The following CISD1 variants were observed in gnomAD, a reference collection of about 807,000 sequenced individuals.
CISD1 encodes CDGSH iron-sulfur domain-containing protein 1.
CISD1 carries 8 observed loss-of-function variants against 12.0 expected under a neutral mutation model. The ratio of observed to expected loss-of-function variants is 0.67; its 90% confidence interval spans 0.39 to 1.20. CISD1 has a LOEUF of 1.20. CISD1 is among the 50% of genes most tolerant of loss of function. The pLI, the probability that CISD1 is intolerant of heterozygous loss-of-function variation, is 0.01. For synonymous variants in CISD1, 38 were observed against 42.2 expected (o/e 0.90, Z 0.39); for missense variants, 107 against 132.7 (o/e 0.81, Z 0.95).
intron 2 of CISD1, among the ~76,000 whole-genome samples, chr10:58,284,677 T>C (rs1360028599): frequency 6.8e-6 from 1 of 147,798 alleles, no homozygotes; most frequent in Non-Finnish European, 1.5e-5. Context: ...TATATGACTT[T>C]CTTTATATTT....
rs149600398 is a variant in CISD1 at position 58,287,607 on chromosome 10, G to A, written c.284G>A (p.Gly95Glu). Reference protein sequence around the residue: ...GAHTKHNEETGDNVGPLIIKK... With the variant: ...GAHTKHNEETEDNVGPLIIKK... ...CACACAAAACATAACGAAGAGACTG[G>A]AGACAATGTGGGCCCTCTGATCATC... Residue 95 changes from glycine (G) to glutamate (E), a missense_variant, in exon 3 of 3, where the codon GGA becomes GAA. Transcript: ENST00000333926. 2.2e-5 allele frequency: 36 copies of A among 1,610,920 alleles called. No homozygotes were observed. The Admixed American group carries it at 3.0e-4, about 13-fold the overall frequency.
rs1299090984 is a variant in CISD1, at chr10:58,277,287, A to G, written c.202A>G (p.Lys68Glu). The G allele has an allele frequency of 5.0e-6, 8 of 1,608,574 alleles. No homozygotes were observed. The highest frequency in any genetic ancestry group is 1.3e-5 in the African/African-American group (1 of 74,792). ...HAFDMEDLGD[K>E]AVYCRCWRSK... ...TTTTGACATGGAGGATTTGGGAGAT[A>G]AAGCTGTGTACTGCCGTTGTTGGAG... The change falls in exon 2 of 3, where the codon AAA (lysine) becomes GAA (glutamate). Residue 68 changes from lysine to glutamate, a missense_variant. By Grantham distance (56) the Lys-to-Glu change is moderately conservative (BLOSUM62 1). Coordinates refer to ENST00000333926, the MANE Select transcript of CISD1 (RefSeq NM_018464.5).
intron 1 of CISD1, among the ~76,000 whole-genome samples, chr10:58,271,769 T>C (rs1438804959): frequency 6.6e-6 from 1 of 152,104 alleles, no homozygotes; most frequent in East Asian, 1.9e-4. Context: ...AAAAAAAAAT[T>C]TAACGGGAAT....
chr10:58,283,244 T>C (rs952894001), intron 2 of CISD1, among the ~76,000 whole-genome samples: 1 of 152,162 alleles, frequency 6.6e-6, no homozygotes, highest in African/African-American at 2.4e-5. Flanking sequence ...AAAAACGATA[T>C]TCTGAATGTT....
rs75756040 is a variant in CISD1 at position 58,283,826 on chromosome 10, A to G, written c.238-3735A>G. ...GTGTTCAAATTGGGTTAACAAACAT[A>G]AAAGGATGTTTTCTGGACATAAAGG... On this transcript the variant is annotated intron_variant, in intron 2 of 2. Transcript: ENST00000333926. Among the ~76,000 whole-genome samples the G allele has an allele frequency of 6.0e-3, 916 of 152,332 alleles. 9 individuals are homozygous for G. Among genetic ancestry groups the G allele is most frequent in the African/African-American group, 0.021 (869 of 41,572 alleles).
At position 58,280,194 on chromosome 10, in the gene CISD1, C is replaced by G. The variant is rs918410579; in HGVS notation, c.237+2872C>G. On this transcript the variant is annotated intron_variant, in intron 2 of 2. Coordinates refer to ENST00000333926, the MANE Select transcript of CISD1 (RefSeq NM_018464.5). The stretch of plus-strand genomic sequence containing the variant: ...TACTGCCCTTCCCCAAGGAATAAAT[C>G]TAAACTGAGGACAATCTTGAGGACC... 3.3e-5 allele frequency among the ~76,000 whole-genome samples: 5 copies of G among 152,206 alleles called. No individual in the cohort carries two copies. In the South Asian group the frequency reaches 8.3e-4, roughly 25 times the overall value.
intron 2 of CISD1, among the ~76,000 whole-genome samples, chr10:58,280,873 T>C (rs1392745282): frequency 6.6e-6 from 1 of 152,258 alleles, no homozygotes. Context: ...ACTATTAGAT[T>C]AAGCAATTGC....
intron 2 of CISD1, among the ~76,000 whole-genome samples, chr10:58,285,934 G>A (rs1027352921): frequency 2.0e-5 from 3 of 152,056 alleles, no homozygotes; most frequent in Admixed American, 1.3e-4. Context: ...GGCTGGGCGC[G>A]GTGGCTCACA....
intron 1 of CISD1, among the ~76,000 whole-genome samples, chr10:58,271,243 T>G (rs987484937): frequency 0.017 from 11 of 650 alleles, no homozygotes; most frequent in Non-Finnish European, 0.028. Flanking sequence ...GTTTCACCGT[T>G]TTAGCCGGGA....
chr10:58,278,997 GT>G (rs1426720753), intron 2 of CISD1, among the ~76,000 whole-genome samples: 1 of 152,148 alleles, frequency 6.6e-6, no homozygotes, highest in African/African-American at 2.4e-5. Context: ...GGTATGTTAT[GT>G]TTTTTACTGT....
intron 2 of CISD1, among the ~76,000 whole-genome samples, chr10:58,281,399 T>C (rs766151363): frequency 6.6e-6 from 1 of 152,228 alleles, no homozygotes; most frequent in Non-Finnish European, 1.5e-5. Context: ...TTTATGCTGT[T>C]TAGTGATCCT....
intron 2 of CISD1, 93 bp downstream of exon 2, chr10:58,277,415 G>C: frequency 1.1e-6 from 1 of 895,794 alleles, no homozygotes; most frequent in Non-Finnish European, 1.6e-6. Context: ...ATATTGTTAT[G>C]ATATCCCTTT....
chr10:58,285,859 C>G (rs1455465179), intron 2 of CISD1, among the ~76,000 whole-genome samples: 1 of 151,968 alleles, frequency 6.6e-6, no homozygotes, highest in East Asian at 1.9e-4. Flanking sequence ...GAAATTAAAA[C>G]TTGGCAAAAA....
At chr10:58,274,593 G>A (rs912463196) in intron 1 of CISD1, among the ~76,000 whole-genome samples, 3 of 151,648 alleles carry the variant, frequency 2.0e-5, no homozygotes, top group Non-Finnish European at 4.4e-5. Context: ...TATTTTCCTC[G>A]AACACATGGT....
chr10:58,285,428 C>T (rs1486727871), intron 2 of CISD1, among the ~76,000 whole-genome samples: 1 of 152,112 alleles, frequency 6.6e-6, no homozygotes, highest in Admixed American at 6.5e-5. Flanking sequence ...GTACTTGTTA[C>T]TCATAAGGCT....
chr10:58,283,404 C>T (rs2132283891), intron 2 of CISD1, among the ~76,000 whole-genome samples: 1 of 152,256 alleles, frequency 6.6e-6, no homozygotes, highest in East Asian at 1.9e-4. Flanking sequence ...AGGTTAGTCT[C>T]AAAAATCTCA....
At chr10:58,279,598 T>C (rs1373612849) in intron 2 of CISD1, among the ~76,000 whole-genome samples, 5 of 152,132 alleles carry the variant, frequency 3.3e-5, no homozygotes, top group Non-Finnish European at 7.4e-5. Context: ...CACTATTCAT[T>C]TGGAATTTGA....
rs1839465525 is a variant in CISD1, at chr10:58,289,433, A to G, written c.*1783A>G. ...ACATATGGCAAAATTATAAATGACC[A>G]CCTTACTGTGAAATATAGATCTTGA... On this transcript the variant is annotated 3_prime_UTR_variant, in exon 3 of 3. Coordinates refer to ENST00000333926, the MANE Select transcript of CISD1 (RefSeq NM_018464.5). 6.6e-6 allele frequency: 1 copy of G among 152,104 alleles called. No homozygotes were observed. The highest frequency in any genetic ancestry group is 1.5e-5 in the Non-Finnish European group (1 of 67,932). 9.4% of individuals were successfully genotyped at this position (152,104 alleles called of 1,614,324 possible). A position where few individuals can be genotyped will look rare whatever the true frequency, so the allele number is the denominator to read the frequency against.
chr10:58,278,463 G>A (rs1839339038), intron 2 of CISD1, among the ~76,000 whole-genome samples: 1 of 152,074 alleles, frequency 6.6e-6, no homozygotes, highest in Non-Finnish European at 1.5e-5. Flanking sequence ...GGAGGTTGAG[G>A]CTGCAGTTAG....
Sources: allele counts gnomAD v4.1 joint callset (sites outside exome capture counted in the v4.1 genomes callset), GRCh38; gene constraint gnomAD v4.1.1; transcripts MANE v1.5; gene names NCBI Gene and HGNC (gene_info 2026-07-23, HGNC 2026-07-21).